The following TRPV5 variants were observed in gnomAD, a reference collection of about 807,000 sequenced individuals.
TRPV5 encodes transient receptor potential cation channel subfamily V member 5, also known as calcium transport protein 2.
TRPV5 carries 66 observed loss-of-function variants against 74.1 expected under a neutral mutation model. That is an observed-to-expected ratio of 0.89 (90% CI 0.73 to 1.09). TRPV5 has a LOEUF of 1.09. TRPV5 is among the 50% of genes least tolerant of loss of function. TRPV5 has a pLI of 0.00. For synonymous variants in TRPV5, 399 were observed against 360.7 expected (o/e 1.11, Z -1.20); for missense variants, 936 against 930.4 (o/e 1.01, Z -0.08).
At chr7:142,924,269 T>A (rs866604373) in intron 8 of TRPV5, among the ~76,000 whole-genome samples, 1 of 107,676 alleles carries the variant, frequency 9.3e-6, no homozygotes, top group Non-Finnish European at 1.7e-5. Context: ...TATATACATA[T>A]ATATATATAT....
At chr7:142,921,825 C>T (rs886317589) in intron 8 of TRPV5, among the ~76,000 whole-genome samples, 1 of 152,180 alleles carries the variant, frequency 6.6e-6, no homozygotes, top group Non-Finnish European at 1.5e-5. Context: ...CTGGAGGTAC[C>T]CAACCCAACT....
rs745610537 is a variant in TRPV5, at chr7:142,912,577, T to C, written c.1693A>G (p.Ile565Val). 2 of 1,614,128 alleles carry C rather than the reference T, an allele frequency of 1.2e-6. No individual in the cohort carries two copies. The highest frequency in any genetic ancestry group is 1.7e-6 in the Non-Finnish European group (2 of 1,179,958). The change falls in exon 13 of 15, where the codon ATT (isoleucine) becomes GTT (valine). Residue 565 changes from isoleucine (I) to valine (V), a missense_variant. By Grantham distance (29) the Ile-to-Val change is conservative. Transcript: ENST00000265310. ...FSIVNFAFTI[I>V]ATLLMLNLFI... is the part of the protein sequence containing the mutation. ...AAGTTGAGCATGAGCAGTGTGGCAA[T>C]GATGGTGAAGGCGAAGTTGACAATG... is the stretch of plus-strand genomic sequence containing the variant.
chr7:142,929,314 C>T (rs892089948), intron 4 of TRPV5, 114 bp downstream of exon 4: 4 of 1,533,894 alleles, frequency 2.6e-6, no homozygotes, highest in Admixed American at 1.9e-5. Context: ...AGAAGGGCTG[C>T]CCCTCTCAAC....
In TRPV5 at chr7:142,929,140, C is replaced by A; in HGVS notation, c.488-20G>T. ...GCTCCCCTGTGGACACAGAGAGATC[C>A]ATGGCAGGAGAACGCAGGATGGCAG... On this transcript the variant is annotated intron_variant, in intron 4 of 14. Transcript: ENST00000265310. 1 of 1,612,774 alleles carries A rather than the reference C, an allele frequency of 6.2e-7. No homozygotes were observed. The highest frequency in any genetic ancestry group is 8.5e-7 in the Non-Finnish European group (1 of 1,179,396).
chr7:142,931,174 C>T (rs904056963), intron 1 of TRPV5, among the ~76,000 whole-genome samples: 4 of 151,972 alleles, frequency 2.6e-5, no homozygotes, highest in Admixed American at 6.6e-5. Context: ...AGGCACGCAC[C>T]ACCACGCCCA....
At chr7:142,911,899 C>T (rs1327165239) in intron 13 of TRPV5, among the ~76,000 whole-genome samples, 2 of 152,208 alleles carry the variant, frequency 1.3e-5, no homozygotes, top group African/African-American at 2.4e-5. Context: ...TAGCTCAATG[C>T]GACATAAATG....
rs1451929314 is a variant in TRPV5 at position 142,933,589 on chromosome 7, G to C, written c.-130C>G. ...TCTGAGTTTATCTCCTGTATGACTT[G>C]TGTATGCAGCATGCAGCTTGTAGGT... is the stretch of plus-strand genomic sequence containing the variant. On this transcript the variant is annotated 5_prime_UTR_variant, in exon 1 of 15. Coordinates refer to ENST00000265310, the MANE Select transcript of TRPV5 (RefSeq NM_019841.7). 5.5e-6 allele frequency: 7 copies of C among 1,273,286 alleles called. No individual in the cohort carries two copies. Among genetic ancestry groups the C allele is most frequent in the Non-Finnish European group, 6.6e-6 (6 of 915,864 alleles). The allele number at this position is 1,273,286 out of a possible 1,614,324, so 78.9% of individuals were successfully genotyped here. A position where few individuals can be genotyped will look rare whatever the true frequency, so the allele number is the denominator to read the frequency against.
chr7:142,915,058 G>A lies in TRPV5; in HGVS notation c.1287-12C>T. ...AGGCATAGGTGATGCTGGGGGAGCA[G>A]AAAGCAGAGAGTGAGAGACAAGCTG... is the stretch of plus-strand genomic sequence containing the variant. On this transcript the variant is annotated splice_polypyrimidine_tract_variant and intron_variant, in intron 10 of 14. Coordinates refer to ENST00000265310, the MANE Select transcript of TRPV5 (RefSeq NM_019841.7). The A allele has an allele frequency of 6.2e-7, 1 of 1,612,732 alleles. No individual in the cohort carries two copies. The highest frequency in any genetic ancestry group is 8.5e-7 in the Non-Finnish European group (1 of 1,179,306).
Position 142,908,777 on chromosome 7 carries a change from G to A in TRPV5, c.1927C>T (p.Arg643Ter), listed in dbSNP as rs557867585. 70 of 1,613,302 alleles carry A rather than the reference G, an allele frequency of 4.3e-5. No individual in the cohort carries two copies. Among genetic ancestry groups the A allele is most frequent in the Non-Finnish European group, 3.1e-5 (37 of 1,179,956 alleles). Residue 643 changes from arginine to a stop codon, truncating the protein, a stop_gained, in exon 15 of 15, where the codon CGA becomes TGA. Transcript: ENST00000265310. LOFTEE classifies it low-confidence loss of function (END_TRUNC). ...AACACTTCCACATAGCGAAGCACTC[G>A]CAGAGGATTCTGATCATTGTGGTTC... ...VENHNDQNPL[R>*]VLRYVEVFKN...
At chr7:142,916,606 C>G (rs1321044410) in intron 8 of TRPV5, among the ~76,000 whole-genome samples, 2 of 152,142 alleles carry the variant, frequency 1.3e-5, no homozygotes, top group Non-Finnish European at 2.9e-5. Context: ...ATAGTGCACC[C>G]AAGAAAGGAG....
chr7:142,919,447 C>T (rs1303930995), intron 8 of TRPV5, among the ~76,000 whole-genome samples: 2 of 152,112 alleles, frequency 1.3e-5, no homozygotes, highest in East Asian at 1.9e-4. Flanking sequence ...ATGGAGAGAC[C>T]TATCTGGAGG....
intron 7 of TRPV5, among the ~76,000 whole-genome samples, chr7:142,927,765 T>G (rs913223169): frequency 2.0e-5 from 3 of 151,416 alleles, no homozygotes; most frequent in African/African-American, 7.2e-5. Flanking sequence ...GACATGAAAT[T>G]TTTGCATTTG....
Position 142,915,288 on chromosome 7 carries a change from G to A in TRPV5, c.1286+19C>T. 2.5e-6 allele frequency: 4 copies of A among 1,608,550 alleles called. No homozygotes were observed. Among genetic ancestry groups the A allele is most frequent in the Non-Finnish European group, 3.4e-6 (4 of 1,178,588 alleles). On this transcript the variant is annotated intron_variant, in intron 10 of 14. Coordinates refer to ENST00000265310, the MANE Select transcript of TRPV5 (RefSeq NM_019841.7). Reference sequence around the variant, plus strand: ...TTCTGGTAAGGAAAGGCAGGGGGCTGGAATGAGGGGATACTCACATGATGA... The same window carrying A: ...TTCTGGTAAGGAAAGGCAGGGGGCTAGAATGAGGGGATACTCACATGATGA...
chr7:142,927,952 C>A (rs1273316885), intron 7 of TRPV5, 136 bp downstream of exon 7: 3 of 1,060,862 alleles, frequency 2.8e-6, no homozygotes, highest in Non-Finnish European at 4.1e-6. Context: ...CCCCCATGTC[C>A]CAGGAGACTA....
intron 12 of TRPV5, among the ~76,000 whole-genome samples, chr7:142,913,097 A>ATG (rs1795730012): frequency 6.6e-6 from 1 of 152,184 alleles, no homozygotes; most frequent in African/African-American, 2.4e-5. Context: ...ATTTTAGAAA[A>ATG]CCAAATACTT....
intron 7 of TRPV5, 113 bp downstream of exon 7, chr7:142,927,975 C>A (rs4252419): frequency 0.88 from 1,174,086 of 1,327,690 alleles, 528,614 homozygotes; most frequent in East Asian, 0.97. Flanking sequence ...CTCATCTCCA[C>A]CTATTATAAG....
At chr7:142,924,184 G>A (rs1054985167) in intron 8 of TRPV5, among the ~76,000 whole-genome samples, 1 of 148,196 alleles carries the variant, frequency 6.7e-6, no homozygotes, top group African/African-American at 2.5e-5. Flanking sequence ...GACCTACTTG[G>A]TGAGAGGCAG....
rs1325869491 is a variant in TRPV5 at position 142,929,084 on chromosome 7, C to T, written c.524G>A (p.Ser175Asn). ...AATGAGCAGCCGCACGATCTCCTCGCTGTTCACACAGGCAGCAAAGGACAA... is the reference window on the plus strand; with the variant it reads ...AATGAGCAGCCGCACGATCTCCTCGTTGTTCACACAGGCAGCAAAGGACAA... ...HPLSFAACVNSEEIVRLLIEH... is the reference protein window; with the variant it reads ...HPLSFAACVNNEEIVRLLIEH... Residue 175 changes from serine to asparagine, a missense_variant, in exon 5 of 15, where the codon AGC (serine) becomes AAC (asparagine). Physicochemically the swap from Ser to Asn is conservative, Grantham distance 46 (BLOSUM62 1). Transcript: ENST00000265310. 1.2e-6 allele frequency: 2 copies of T among 1,614,150 alleles called. No individual in the cohort carries two copies. The highest frequency in any genetic ancestry group is 1.7e-6 in the Non-Finnish European group (2 of 1,180,026).
rs1480768096 is a variant in TRPV5, at chr7:142,916,892, C to CTTTTTT, written c.1123-1330_1123-1325dup. Among the ~76,000 whole-genome samples, 6 of 140,258 alleles carry CTTTTTT rather than the reference C, an allele frequency of 4.3e-5. 3 individuals are homozygous for CTTTTTT. The highest frequency in any genetic ancestry group is 6.2e-5 in the Non-Finnish European group (4 of 64,982). The allele number at this position is 140,258 out of a possible 152,430, so 92.0% of individuals were successfully genotyped here. On this transcript the variant is annotated intron_variant, in intron 8 of 14. Transcript: ENST00000265310. ...ACCTGTGACCAGACATCAGTCAACA[C>CTTTTTT]TTTTTTTTTTCTTTTTTGGCTTAAA... is the stretch of plus-strand genomic sequence containing the variant.
Sources: gnomAD v4.1 joint callset for allele counts (sites outside exome capture counted in the v4.1 genomes callset) on GRCh38, gnomAD v4.1.1 for gene constraint, MANE v1.5 for transcripts, NCBI Gene and HGNC (gene_info 2026-07-23, HGNC 2026-07-21) for gene names.